The following PID1 variants were observed in gnomAD, a reference collection of about 807,000 sequenced individuals.
PID1 encodes the protein phosphotyrosine interaction domain containing 1.
A neutral mutation model predicts 19.1 loss-of-function variants in PID1; 10 were observed. The ratio of observed to expected loss-of-function variants is 0.52; its 90% confidence interval spans 0.32 to 0.89. The LOEUF (loss-of-function observed/expected upper bound fraction) is 0.89. PID1 is among the 40% of genes least tolerant of loss of function. The pLI is 0.03. For missense variants in PID1, 248 were observed against 285.3 expected (o/e 0.87, Z 0.94); for synonymous variants, 130 against 116.0 (o/e 1.12, Z -0.78).
intron 2 of PID1, among the ~76,000 whole-genome samples, chr2:229,139,193 T>G (rs571030955): frequency 6.6e-6 from 1 of 151,986 alleles, no homozygotes; most frequent in African/African-American, 2.4e-5. Context: ...AACACTCCCT[T>G]GGAATACATG....
At chr2:229,253,379 TGA>T (rs536140167) in intron 1 of PID1, among the ~76,000 whole-genome samples, 159 of 152,120 alleles carry the variant, frequency 1.0e-3, no homozygotes, top group African/African-American at 3.5e-3. Context: ...GGCAGGAAGG[TGA>T]GAGTGACATC....
intron 1 of PID1, among the ~76,000 whole-genome samples, chr2:229,267,531 A>G (rs1464684951): frequency 2.0e-5 from 3 of 152,188 alleles, no homozygotes; most frequent in African/African-American, 7.2e-5. Flanking sequence ...ACTCTATCCT[A>G]GTAATAACTA....
chr2:229,056,343 T>C (rs1380957757), intron 2 of PID1, among the ~76,000 whole-genome samples: 1 of 152,152 alleles, frequency 6.6e-6, no homozygotes, highest in Non-Finnish European at 1.5e-5. Context: ...TGACTTGTTA[T>C]GCAGCAATAT....
At chr2:229,210,507 C>A (rs1420384492) in intron 1 of PID1, among the ~76,000 whole-genome samples, 7 of 100,732 alleles carry the variant, frequency 6.9e-5, no homozygotes, top group African/African-American at 2.7e-4. Flanking sequence ...ACAAAGCTCC[C>A]AGGCTGGAGT....
chr2:229,084,479 G>A (rs183393710), intron 2 of PID1, among the ~76,000 whole-genome samples: 54 of 152,266 alleles, frequency 3.5e-4, no homozygotes, highest in Admixed American at 1.1e-3. Context: ...GATTGAGCTG[G>A]CAATAGTGAT....
intron 2 of PID1, among the ~76,000 whole-genome samples, chr2:229,052,982 A>G (rs1179230601): frequency 2.0e-5 from 3 of 152,232 alleles, no homozygotes; most frequent in African/African-American, 7.2e-5. Flanking sequence ...TACAATTATT[A>G]TGAAAGCTGT....
chr2:229,086,360 C>T (rs1035801237), intron 2 of PID1, among the ~76,000 whole-genome samples: 1 of 152,096 alleles, frequency 6.6e-6, no homozygotes, highest in African/African-American at 2.4e-5. Flanking sequence ...TGACACAAGG[C>T]CTGCTTTATA....
chr2:229,235,690 A>C (rs1396299015), intron 1 of PID1, among the ~76,000 whole-genome samples: 1 of 152,196 alleles, frequency 6.6e-6, no homozygotes, highest in Non-Finnish European at 1.5e-5. Context: ...GGGTGAGCTC[A>C]TGCAGTGACA....
intron 2 of PID1, among the ~76,000 whole-genome samples, chr2:229,058,371 T>C (rs1694145525): frequency 6.6e-6 from 1 of 152,206 alleles, no homozygotes; most frequent in South Asian, 2.1e-4. Flanking sequence ...TTTGGTGTCT[T>C]GTCCTAGCTG....
intron 2 of PID1, among the ~76,000 whole-genome samples, chr2:229,097,940 G>C (rs1695002632): frequency 6.6e-6 from 1 of 152,186 alleles, no homozygotes; most frequent in Non-Finnish European, 1.5e-5. Context: ...TGAAACCAGA[G>C]CTAGGAATTC....
intron 2 of PID1, among the ~76,000 whole-genome samples, chr2:229,070,720 T>C (rs906012520): frequency 6.6e-6 from 1 of 152,124 alleles, no homozygotes; most frequent in African/African-American, 2.4e-5. Flanking sequence ...CAGAAGTGGC[T>C]TGAGAGCAAG....
At chr2:229,150,038 G>A (rs984063773) in intron 2 of PID1, among the ~76,000 whole-genome samples, 6 of 151,996 alleles carry the variant, frequency 3.9e-5, no homozygotes, top group African/African-American at 1.4e-4. Flanking sequence ...AGGAGTGCGA[G>A]ACCAGCCTGG....
At chr2:229,111,621 C>T (rs906420756) in intron 2 of PID1, among the ~76,000 whole-genome samples, 34 of 152,236 alleles carry the variant, frequency 2.2e-4, no homozygotes, top group Middle Eastern at 3.4e-3. Context: ...AAAATGAATA[C>T]TTTTACTTGT....
chr2:229,114,346 A>T (rs1246023237), intron 2 of PID1, among the ~76,000 whole-genome samples: 4 of 152,052 alleles, frequency 2.6e-5, no homozygotes, highest in African/African-American at 9.7e-5. Context: ...TTTTACTGGT[A>T]ATTTTCTCCT....
chr2:229,185,248 G>C (rs1252265846), intron 1 of PID1, among the ~76,000 whole-genome samples: 1 of 151,708 alleles, frequency 6.6e-6, no homozygotes, highest in African/African-American at 2.4e-5. Context: ...GCACACAGAA[G>C]AGAGCTTTTC....
At chr2:229,112,869 A>G (rs983189769) in intron 2 of PID1, among the ~76,000 whole-genome samples, 1 of 152,194 alleles carries the variant, frequency 6.6e-6, no homozygotes, top group African/African-American at 2.4e-5. Flanking sequence ...CCCTAAAATC[A>G]GCTCACAGAT....
intron 2 of PID1, among the ~76,000 whole-genome samples, chr2:229,100,198 C>T (rs527561414): frequency 9.2e-5 from 14 of 152,120 alleles, no homozygotes; most frequent in South Asian, 2.1e-4. Context: ...TTGTTTAAGC[C>T]GCTCCATCTA....
At chr2:229,232,903 G>T (rs888195099) in intron 1 of PID1, among the ~76,000 whole-genome samples, 5 of 150,818 alleles carry the variant, frequency 3.3e-5, no homozygotes, top group Admixed American at 3.3e-4. Context: ...GATATGAAAT[G>T]CAAACTAAAG....
At chr2:229,261,190 A>G (rs1690454058) in intron 1 of PID1, among the ~76,000 whole-genome samples, 1 of 152,172 alleles carries the variant, frequency 6.6e-6, no homozygotes, top group African/African-American at 2.4e-5. Context: ...CACAGCCCTC[A>G]GGACAAATTA....
Sources: allele counts gnomAD v4.1 joint callset (sites outside exome capture counted in the v4.1 genomes callset), GRCh38; gene constraint gnomAD v4.1.1; transcripts MANE v1.5; gene names NCBI Gene and HGNC (gene_info 2026-07-23, HGNC 2026-07-21).